Variants in DIP2B observed in about 807,000 individuals in gnomAD.
The protein encoded by DIP2B is DIP2 acetate--CoA ligase B (putative).
In DIP2B, 76 loss-of-function variants were observed where a neutral mutation model predicts 198.0. That is an observed-to-expected ratio of 0.38 (90% confidence interval 0.32 to 0.46). The LOEUF (loss-of-function observed/expected upper bound fraction) is 0.46, where lower values mean the gene tolerates loss of function less well. Ranked by LOEUF, DIP2B falls within the 20% of genes least tolerant of loss-of-function variation. The pLI is 0.99. For synonymous variants in DIP2B, 701 were observed against 739.1 expected, an observed-to-expected ratio of 0.95 and a Z score of 0.84; for missense variants, 1,559 against 1,978.4, an observed-to-expected ratio of 0.79 and a Z score of 4.02.
At chr12:50,537,418 TTTTGAG>T (rs1484127023) in intron 1 of DIP2B, among the ~76,000 whole-genome samples, 4 of 151,938 alleles carry the variant, frequency 2.6e-5, no homozygotes, top group African/African-American at 9.7e-5. Context: ...ATGGCCCAGA[TTTTGAG>T]TTTGAGTGAC....
At chr12:50,591,596 G>T (rs1347581503) in intron 1 of DIP2B, among the ~76,000 whole-genome samples, 1 of 150,684 alleles carries the variant, frequency 6.6e-6, no homozygotes, top group Non-Finnish European at 1.5e-5. Flanking sequence ...CACCACACTG[G>T]CTAATTTTTC....
chr12:50,742,417 A>C (rs931738690), intron 37 of DIP2B, among the ~76,000 whole-genome samples: 1 of 73,962 alleles, frequency 1.4e-5, no homozygotes, highest in Admixed American at 1.3e-4. Context: ...AAAAAAAAAA[A>C]AAAAACCACC....
intron 36 of DIP2B, among the ~76,000 whole-genome samples, chr12:50,740,591 C>T (rs978060790): frequency 5.3e-5 from 8 of 152,224 alleles, no homozygotes; most frequent in African/African-American, 1.9e-4. Context: ...TGATGGGAGC[C>T]TCTGCTGCAC....
intron 19 of DIP2B, 30 bp from the exon 20 acceptor site, chr12:50,704,110 G>T: frequency 6.3e-7 from 1 of 1,594,114 alleles, no homozygotes; most frequent in East Asian, 2.3e-5. Context: ...AAAAAGCAAA[G>T]TTTTTCACTT....
chr12:50,586,633 T>C (rs1293363062), intron 1 of DIP2B, among the ~76,000 whole-genome samples: 1 of 152,196 alleles, frequency 6.6e-6, no homozygotes, highest in Non-Finnish European at 1.5e-5. Flanking sequence ...AGTGCAGTGG[T>C]GTGATCTCGG....
chr12:50,688,495 T>A (rs1487790050), intron 12 of DIP2B, among the ~76,000 whole-genome samples: 7 of 151,098 alleles, frequency 4.6e-5, no homozygotes, highest in Non-Finnish European at 1.0e-4. Flanking sequence ...CTACAAAAAA[T>A]AAAAAATTAG....
intron 1 of DIP2B, among the ~76,000 whole-genome samples, chr12:50,611,415 C>A (rs1444707634): frequency 6.6e-6 from 1 of 152,124 alleles, no homozygotes; most frequent in African/African-American, 2.4e-5. Flanking sequence ...AGCCTCTATT[C>A]CTAAGAGTGT....
At chr12:50,686,074 C>A in intron 11 of DIP2B, 118 bp downstream of exon 11, 3 of 1,059,572 alleles carry the variant, frequency 2.8e-6, no homozygotes, top group South Asian at 1.9e-5. Context: ...TTCTCATAGT[C>A]TTATGAAGTA....
chr12:50,600,491 C>G (rs1318660768), intron 1 of DIP2B, among the ~76,000 whole-genome samples: 2 of 152,122 alleles, frequency 1.3e-5, no homozygotes, highest in Non-Finnish European at 2.9e-5. Context: ...GAGTGAAAAT[C>G]TGTTCACTGG....
intron 20 of DIP2B, among the ~76,000 whole-genome samples, chr12:50,704,609 A>G (rs564296592): frequency 4.2e-4 from 64 of 152,360 alleles, no homozygotes; most frequent in Non-Finnish European, 5.9e-5. Context: ...AATACATAGT[A>G]TACAGAGCAT....
rs562214506 is a variant in DIP2B at position 50,673,811 on chromosome 12, G to A, written c.641-663G>A. Among the ~76,000 whole-genome samples the A allele has an allele frequency of 1.1e-4, 17 of 152,192 alleles. No homozygotes were observed. In the East Asian group the frequency reaches 2.5e-3, roughly 22 times the overall value. ...AAAAATAAAAAGAATCCCTATGTGCGGTAGAGTAGAATAACACTATTTAGT... is the reference window on the plus strand; with the variant it reads ...AAAAATAAAAAGAATCCCTATGTGCAGTAGAGTAGAATAACACTATTTAGT... On this transcript the variant is annotated intron_variant, in intron 5 of 37. Transcript: ENST00000301180.
chr12:50,602,119 A>C (rs1048480588), intron 1 of DIP2B, among the ~76,000 whole-genome samples: 2 of 152,226 alleles, frequency 1.3e-5, no homozygotes, highest in African/African-American at 4.8e-5. Context: ...ATATTAATGT[A>C]CTGAAGTAAT....
In DIP2B at chr12:50,728,108, C is replaced by T. The variant is rs560342778; in HGVS notation, c.3510+296C>T. Among the ~76,000 whole-genome samples, 57 of 152,324 alleles carry T rather than the reference C, an allele frequency of 3.7e-4. 2 individuals carry two copies. In the East Asian group the frequency reaches 9.7e-3, roughly 26 times the overall value. On this transcript the variant is annotated intron_variant, in intron 29 of 37. Transcript: ENST00000301180. Reference sequence around the variant, plus strand: ...CATAAAATGCAGTATTCGCTGGGCACGGTGGCTCACGCCTGTTATCCCAGC... The same window carrying T: ...CATAAAATGCAGTATTCGCTGGGCATGGTGGCTCACGCCTGTTATCCCAGC...
intron 1 of DIP2B, among the ~76,000 whole-genome samples, chr12:50,521,747 C>T (rs1280843339): frequency 4.6e-5 from 7 of 151,312 alleles, no homozygotes; most frequent in Admixed American, 2.6e-4. Flanking sequence ...CCACTCCAAC[C>T]GCCCCTCCGC....
At chr12:50,642,602 A>C (rs1414985165) in intron 3 of DIP2B, among the ~76,000 whole-genome samples, 3 of 152,192 alleles carry the variant, frequency 2.0e-5, no homozygotes, top group Non-Finnish European at 4.4e-5. Flanking sequence ...CCTGGCTAAC[A>C]CAGTGAAACC....
In DIP2B at chr12:50,696,912, AG is replaced by A; in HGVS notation, c.1934-146del. On this transcript the variant is annotated intron_variant, in intron 16 of 37. Coordinates refer to ENST00000301180, the MANE Select transcript of DIP2B (RefSeq NM_173602.3). ...CTTGAAATATATCAAACCATCTCAC[AG>A]GGACAGTAAAATATTTGCGTGGAAT... 1.1e-5 allele frequency: 7 copies of A among 608,722 alleles called. No homozygotes were observed. The South Asian group carries it at 1.5e-4, about 13-fold the overall frequency. The allele number at this position is 608,722 out of a possible 1,614,324, so 37.7% of individuals were successfully genotyped here.
intron 3 of DIP2B, among the ~76,000 whole-genome samples, chr12:50,653,554 C>T (rs1399935293): frequency 6.6e-6 from 1 of 151,694 alleles, no homozygotes; most frequent in Admixed American, 6.6e-5. Context: ...GTTGCCCAGG[C>T]TGGTCTCGAC....
intron 4 of DIP2B, among the ~76,000 whole-genome samples, chr12:50,665,241 A>G (rs1938729555): frequency 6.6e-6 from 1 of 152,184 alleles, no homozygotes; most frequent in Admixed American, 6.5e-5. Flanking sequence ...ACATTATGGT[A>G]TGCAAAGAAC....
At chr12:50,646,462 C>T (rs544406700) in intron 3 of DIP2B, among the ~76,000 whole-genome samples, 1 of 152,062 alleles carries the variant, frequency 6.6e-6, no homozygotes, top group South Asian at 2.1e-4. Context: ...CACTCTGTTG[C>T]CCAGGCTGGA....
Sources: gnomAD v4.1 joint callset for allele counts (sites outside exome capture counted in the v4.1 genomes callset) on GRCh38, gnomAD v4.1.1 for gene constraint, MANE v1.5 for transcripts, NCBI Gene and HGNC (gene_info 2026-07-23, HGNC 2026-07-21) for gene names.